Variants in MDGA2 observed in about 807,000 individuals in gnomAD.
MDGA2 encodes MAM domain-containing glycosylphosphatidylinositol anchor protein 2.
A neutral mutation model predicts 117.8 loss-of-function variants in MDGA2; 40 were observed. That is an observed-to-expected ratio of 0.34 (90% CI 0.26 to 0.44). MDGA2 has a LOEUF of 0.44. MDGA2 is among the 20% of genes least tolerant of loss of function. The pLI is 1.00. For missense variants in MDGA2, 1,123 were observed against 1,250.6 expected (o/e 0.90, Z 1.54); for synonymous variants, 452 against 439.0 (o/e 1.03, Z -0.37).
chr14:46,904,409 A>G (rs1883412997), intron 10 of MDGA2, among the ~76,000 whole-genome samples: 1 of 151,666 alleles, frequency 6.6e-6, no homozygotes, highest in South Asian at 2.1e-4. Flanking sequence ...TTAAGAAATT[A>G]TAATTCGTAT....
At chr14:47,485,857 C>G (rs1200836876) in intron 1 of MDGA2, among the ~76,000 whole-genome samples, 3 of 152,188 alleles carry the variant, frequency 2.0e-5, no homozygotes, top group Non-Finnish European at 4.4e-5. Context: ...AAATCTCTGC[C>G]TAGATTTCAG....
intron 14 of MDGA2, among the ~76,000 whole-genome samples, chr14:46,859,407 CTT>C (rs1881417132): frequency 6.6e-6 from 1 of 152,194 alleles, no homozygotes; most frequent in African/African-American, 2.4e-5. Flanking sequence ...CCCATACAGA[CTT>C]TTGGATTCAA....
intron 5 of MDGA2, among the ~76,000 whole-genome samples, chr14:47,125,539 C>T (rs987338917): frequency 6.6e-6 from 1 of 151,038 alleles, no homozygotes; most frequent in South Asian, 2.1e-4. Flanking sequence ...TGACCTCTAT[C>T]TTTTTCCATG....
chr14:47,616,861 ATG>A (rs1350673575), intron 1 of MDGA2, among the ~76,000 whole-genome samples: 1 of 152,230 alleles, frequency 6.6e-6, no homozygotes, highest in Non-Finnish European at 1.5e-5. Context: ...CACTAATCAT[ATG>A]TGACTATTTA....
At chr14:47,014,765 C>A (rs1888021047) in intron 8 of MDGA2, among the ~76,000 whole-genome samples, 2 of 152,144 alleles carry the variant, frequency 1.3e-5, no homozygotes, top group Non-Finnish European at 2.9e-5. Context: ...CTATCCAGAC[C>A]ACTAAAACCT....
intron 1 of MDGA2, among the ~76,000 whole-genome samples, chr14:47,451,899 G>A (rs1465046844): frequency 1.1e-4 from 17 of 152,048 alleles, no homozygotes; most frequent in Admixed American, 1.1e-3. Context: ...GTTTAGAGGA[G>A]AATGATATGA....
At chr14:47,269,012 T>C (rs997145179) in intron 2 of MDGA2, among the ~76,000 whole-genome samples, 8 of 152,332 alleles carry the variant, frequency 5.3e-5, no homozygotes, top group South Asian at 2.1e-4. Context: ...AAGTCCTACT[T>C]GTTAATACCT....
chr14:47,389,630 ACACACAC>A (rs959255502), intron 1 of MDGA2, among the ~76,000 whole-genome samples: 32 of 150,954 alleles, frequency 2.1e-4, no homozygotes, highest in African/African-American at 6.9e-4. Flanking sequence ...ACACACACAC[ACACACAC>A]ACTTCAGAAA....
intron 14 of MDGA2, among the ~76,000 whole-genome samples, chr14:46,866,438 C>A (rs1031416213): frequency 1.3e-5 from 2 of 151,854 alleles, no homozygotes; most frequent in African/African-American, 4.8e-5. Context: ...CCATAAAAAC[C>A]CTAGAAGAAA....
intron 3 of MDGA2, among the ~76,000 whole-genome samples, chr14:47,157,679 C>G (rs1883453316): frequency 6.7e-6 from 1 of 149,900 alleles, no homozygotes; most frequent in Non-Finnish European, 1.5e-5. Flanking sequence ...AAATCTCATC[C>G]TGAATTGTAG....
intron 14 of MDGA2, among the ~76,000 whole-genome samples, chr14:46,866,819 A>G (rs1040822156): frequency 3.8e-4 from 58 of 152,326 alleles, no homozygotes; most frequent in Non-Finnish European, 7.2e-4. Flanking sequence ...CATCAGAGAA[A>G]TGCAAATCAA....
At chr14:47,141,597 T>G (rs915761161) in intron 4 of MDGA2, among the ~76,000 whole-genome samples, 1 of 152,182 alleles carries the variant, frequency 6.6e-6, no homozygotes, top group Admixed American at 6.5e-5. Flanking sequence ...GAGGACATTA[T>G]GTTAAGTAAA....
intron 1 of MDGA2, among the ~76,000 whole-genome samples, chr14:47,479,068 A>G (rs946452639): frequency 2.6e-5 from 4 of 152,218 alleles, no homozygotes; most frequent in African/African-American, 9.6e-5. Flanking sequence ...TTTTTTCTCA[A>G]ACTTAATTTG....
At chr14:47,583,956 T>A (rs1470689999) in intron 1 of MDGA2, among the ~76,000 whole-genome samples, 1 of 151,862 alleles carries the variant, frequency 6.6e-6, no homozygotes, top group Non-Finnish European at 1.5e-5. Context: ...ACTGAGGCAC[T>A]AGGCAATTAA....
chr14:47,480,547 T>G (rs1013845623), intron 1 of MDGA2, among the ~76,000 whole-genome samples: 1 of 152,030 alleles, frequency 6.6e-6, no homozygotes, highest in Non-Finnish European at 1.5e-5. Context: ...TTTTTTCCTA[T>G]TAAAATACAA....
chr14:47,277,114 T>C (rs1888333856), intron 2 of MDGA2, among the ~76,000 whole-genome samples: 1 of 152,120 alleles, frequency 6.6e-6, no homozygotes, highest in Admixed American at 6.5e-5. Flanking sequence ...GCTGAAGCCA[T>C]TCTCTCAGTG....
At chr14:47,369,568 G>A (rs759266263) in intron 1 of MDGA2, among the ~76,000 whole-genome samples, 6 of 151,932 alleles carry the variant, frequency 3.9e-5, no homozygotes, top group East Asian at 1.9e-4. Context: ...CCATCTCCCC[G>A]GTCCCGACAC....
At chr14:47,531,111 G>A (rs2138732534) in intron 1 of MDGA2, among the ~76,000 whole-genome samples, 1 of 152,230 alleles carries the variant, frequency 6.6e-6, no homozygotes, top group South Asian at 2.1e-4. Context: ...CAGGCGTGGT[G>A]GTGGGCGCCT....
intron 1 of MDGA2, among the ~76,000 whole-genome samples, chr14:47,380,906 A>C (rs1199203895): frequency 6.6e-6 from 1 of 152,138 alleles, no homozygotes; most frequent in Non-Finnish European, 1.5e-5. Flanking sequence ...GAGACACACA[A>C]AAAAAGAGAA....
Sources: gnomAD v4.1 joint callset for allele counts (sites outside exome capture counted in the v4.1 genomes callset) on GRCh38, gnomAD v4.1.1 for gene constraint, MANE v1.5 for transcripts, NCBI Gene and HGNC (gene_info 2026-07-23, HGNC 2026-07-21) for gene names.